Variants in PPP2R3A observed in about 807,000 individuals in gnomAD.
PPP2R3A encodes the protein serine/threonine-protein phosphatase 2A regulatory subunit B'' subunit alpha.
PPP2R3A carries 80 observed loss-of-function variants against 106.9 expected under a neutral mutation model. That is an observed-to-expected ratio of 0.75 (90% CI 0.62 to 0.90). The LOEUF (loss-of-function observed/expected upper bound fraction) is 0.90, where lower values mean the gene tolerates loss of function less well. Ranked by LOEUF, PPP2R3A falls within the 40% of genes least tolerant of loss-of-function variation. PPP2R3A has a pLI of 0.00. For missense variants in PPP2R3A, 1,386 were observed against 1,350.4 expected (o/e 1.03, Z -0.41); for synonymous variants, 483 against 468.3 (o/e 1.03, Z -0.41).
At chr3:136,046,809 A>G (rs1458501082) in intron 4 of PPP2R3A, among the ~76,000 whole-genome samples, 3 of 152,250 alleles carry the variant, frequency 2.0e-5, no homozygotes, top group Admixed American at 6.5e-5. Flanking sequence ...AGAAAGCTCA[A>G]TGAAATACAG....
intron 13 of PPP2R3A, among the ~76,000 whole-genome samples, chr3:136,136,193 C>A (rs1938618508): frequency 2.0e-5 from 3 of 151,366 alleles, no homozygotes; most frequent in Non-Finnish European, 4.4e-5. Flanking sequence ...GGCATCCAAG[C>A]CTCAGCATCC....
At chr3:136,126,319 T>G (rs1224040038) in intron 13 of PPP2R3A, among the ~76,000 whole-genome samples, 1 of 152,224 alleles carries the variant, frequency 6.6e-6, no homozygotes, top group African/African-American at 2.4e-5. Context: ...GGAGATTCTC[T>G]CCCGTGCCTG....
intron 1 of PPP2R3A, among the ~76,000 whole-genome samples, chr3:135,979,980 C>T (rs1404670503): frequency 6.6e-6 from 1 of 151,846 alleles, no homozygotes; most frequent in African/African-American, 2.4e-5. Flanking sequence ...CACGTTAGTT[C>T]ATTCCAATTT....
At chr3:136,004,266 CACA>C (rs1933765737) in intron 2 of PPP2R3A, among the ~76,000 whole-genome samples, 1 of 152,198 alleles carries the variant, frequency 6.6e-6, no homozygotes, top group African/African-American at 2.4e-5. Context: ...TGTGTCGTAG[CACA>C]ACAAGATTAT....
chr3:136,019,199 A>C (rs1015562141), intron 2 of PPP2R3A, among the ~76,000 whole-genome samples: 13 of 152,226 alleles, frequency 8.5e-5, no homozygotes, highest in African/African-American at 3.1e-4. Context: ...CTAGCTTGTT[A>C]GGATGGACTT....
Position 136,001,532 on chromosome 3 carries a change from G to C in PPP2R3A, c.34G>C (p.Val12Leu). The change falls in exon 2 of 14, where the codon GTG becomes CTG. Residue 12 changes from valine to leucine, a missense_variant. By Grantham distance (32) the Val-to-Leu change is conservative. Coordinates refer to ENST00000264977, the MANE Select transcript of PPP2R3A (RefSeq NM_002718.5). ...AATYRLVVST[V>L]NHYSSVVIDR... ...AACTTACAGACTTGTGGTTAGTACT[G>C]TGAACCACTACAGCAGCGTGGTGAT... 1 of 1,614,140 alleles carries C rather than the reference G, an allele frequency of 6.2e-7. No homozygotes were observed. The highest frequency in any genetic ancestry group is 8.5e-7 in the Non-Finnish European group (1 of 1,179,990).
At chr3:136,021,423 G>T (rs1027369170) in intron 2 of PPP2R3A, among the ~76,000 whole-genome samples, 1 of 152,000 alleles carries the variant, frequency 6.6e-6, no homozygotes, top group Admixed American at 6.6e-5. Context: ...CCACTTAAAA[G>T]AAATTCTTTA....
chr3:136,042,801 G>A (rs779184851), intron 4 of PPP2R3A, among the ~76,000 whole-genome samples: 14 of 152,070 alleles, frequency 9.2e-5, no homozygotes, highest in Non-Finnish European at 1.9e-4. Flanking sequence ...ATATTAAAAT[G>A]GTTTGAGTGC....
chr3:136,127,901 T>C (rs923507623), intron 13 of PPP2R3A, among the ~76,000 whole-genome samples: 2 of 152,092 alleles, frequency 1.3e-5, no homozygotes, highest in African/African-American at 4.8e-5. Context: ...GAATTTCATA[T>C]CCAGCCAAAC....
At chr3:136,078,705 C>T (rs1366771088) in intron 7 of PPP2R3A, among the ~76,000 whole-genome samples, 1 of 152,148 alleles carries the variant, frequency 6.6e-6, no homozygotes, top group African/African-American at 2.4e-5. Context: ...GACACTAAAC[C>T]TGACTTGATA....
intron 1 of PPP2R3A, 86 bp from the exon 2 acceptor site, chr3:136,000,973 T>G (rs535084560): frequency 2.6e-6 from 1 of 390,900 alleles, no homozygotes; most frequent in African/African-American, 2.1e-5. Context: ...AGCGTGGTGG[T>G]TAACTGCAAA....
Position 136,099,831 on chromosome 3 carries a change from A to C in PPP2R3A, c.2928-2176A>C, listed in dbSNP as rs114765851. Reference sequence around the variant, plus strand: ...GCACTGAGAAAACATCTCAAATTTGATTAGCCACATTTCAGATGCTCAAAA... The same window carrying C: ...GCACTGAGAAAACATCTCAAATTTGCTTAGCCACATTTCAGATGCTCAAAA... On this transcript the variant is annotated intron_variant, in intron 10 of 13. Transcript: ENST00000264977. Among the ~76,000 whole-genome samples, 469 of 152,028 alleles carry C rather than the reference A, an allele frequency of 3.1e-3. 5 individuals are homozygous for C. The highest frequency in any genetic ancestry group is 0.011 in the African/African-American group (453 of 41,482).
At chr3:136,106,370 A>C (rs1440643695) in intron 13 of PPP2R3A, 48 bp downstream of exon 13, 8 of 1,498,162 alleles carry the variant, frequency 5.3e-6, no homozygotes, top group African/African-American at 4.1e-5. Flanking sequence ...AGGAATGCGC[A>C]TGTCCAGAGT....
At chr3:136,106,703 C>A (rs1937523792) in intron 13 of PPP2R3A, 1 of 191,158 alleles carries the variant, frequency 5.2e-6, no homozygotes. Flanking sequence ...GGGTGGATAA[C>A]CAGAGGTCGG....
intron 13 of PPP2R3A, among the ~76,000 whole-genome samples, chr3:136,121,001 T>C (rs1937976024): frequency 6.6e-6 from 1 of 152,134 alleles, no homozygotes; most frequent in South Asian, 2.1e-4. Context: ...TGTAAATTAG[T>C]TCAGCCACAC....
At chr3:136,056,668 A>G (rs9682712) in intron 5 of PPP2R3A, among the ~76,000 whole-genome samples, 95,850 of 151,682 alleles carry the variant, frequency 0.63, 31,625 homozygotes, top group African/African-American at 0.81. Flanking sequence ...CACTCGTCTT[A>G]GCATTGATTT....
intron 1 of PPP2R3A, among the ~76,000 whole-genome samples, chr3:135,993,884 G>A (rs147704090): frequency 2.0e-5 from 3 of 152,260 alleles, no homozygotes; most frequent in East Asian, 1.9e-4. Context: ...TAGAACTGGC[G>A]AGACTTACCT....
In PPP2R3A at chr3:136,045,625, C is replaced by T. The variant is rs574485696; in HGVS notation, c.2367-3634C>T. On this transcript the variant is annotated intron_variant, in intron 4 of 13. Transcript: ENST00000264977. The stretch of plus-strand genomic sequence containing the variant: ...AAGGAAGCACAAGCTGGGAAGTTCT[C>T]ACTGCTATCTGCTGGCCAAAAAAAC... Among the ~76,000 whole-genome samples the T allele has an allele frequency of 4.5e-4, 68 of 152,270 alleles. 1 individual carries two copies. In the South Asian group the frequency reaches 0.014, roughly 31 times the overall value.
chr3:136,135,081 A>G (rs929815504), intron 13 of PPP2R3A, among the ~76,000 whole-genome samples: 3 of 151,402 alleles, frequency 2.0e-5, no homozygotes, highest in African/African-American at 7.4e-5. Flanking sequence ...GGTAGCACTG[A>G]GAGAACGTGC....
Sources: allele counts gnomAD v4.1 joint callset (sites outside exome capture counted in the v4.1 genomes callset), GRCh38; gene constraint gnomAD v4.1.1; transcripts MANE v1.5; gene names NCBI Gene and HGNC (gene_info 2026-07-23, HGNC 2026-07-21).